HTR4: variants seen among roughly 807,000 people sequenced by gnomAD.
The protein encoded by HTR4 is 5-hydroxytryptamine (serotonin) receptor 4, G protein-coupled.
Under a neutral mutation model 36.8 loss-of-function variants are expected in HTR4, and 16 were observed. That is an observed-to-expected ratio of 0.43 (90% CI 0.29 to 0.66). HTR4 has a LOEUF of 0.66. HTR4 is among the 30% of genes least tolerant of loss of function. The pLI is 0.13. For synonymous variants in HTR4, 189 were observed against 185.1 expected (o/e 1.02, Z -0.17); for missense variants, 438 against 490.9 (o/e 0.89, Z 1.02).
At chr5:148,506,566 T>G (rs545511860) in intron 6 of HTR4, among the ~76,000 whole-genome samples, 1 of 152,162 alleles carries the variant, frequency 6.6e-6, no homozygotes, top group South Asian at 2.1e-4. Flanking sequence ...CAAAAGAAAC[T>G]ACCATCAGAG....
chr5:148,553,618 G>C (rs1759801437), intron 2 of HTR4, among the ~76,000 whole-genome samples: 2 of 152,180 alleles, frequency 1.3e-5, no homozygotes, highest in African/African-American at 4.8e-5. Context: ...GTGTTGTTTT[G>C]TGTTCCCTGG....
At chr5:148,457,832 T>TAC in intron 5 of HTR4, among the ~76,000 whole-genome samples, 1 of 131,762 alleles carries the variant, frequency 7.6e-6, no homozygotes, top group Non-Finnish European at 1.6e-5. Flanking sequence ...TTAAAATATA[T>TAC]ATTTTGTTAT....
chr5:148,472,505 ATTG>A (rs1755594695), downstream of HTR4, among the ~76,000 whole-genome samples: 1 of 151,838 alleles, frequency 6.6e-6, no homozygotes, highest in African/African-American at 2.4e-5. Context: ...TGGTGTTGGT[ATTG>A]TTGTTTAGTT....
At chr5:148,563,684 C>A (rs1266228584) in intron 2 of HTR4, among the ~76,000 whole-genome samples, 1 of 152,132 alleles carries the variant, frequency 6.6e-6, no homozygotes, top group Non-Finnish European at 1.5e-5. Flanking sequence ...CATGTACAGA[C>A]TTTTTCTTGT....
chr5:148,549,915 A>G (rs1759597146), intron 3 of HTR4, among the ~76,000 whole-genome samples: 1 of 152,218 alleles, frequency 6.6e-6, no homozygotes, highest in Non-Finnish European at 1.5e-5. Context: ...TTGACAAAGA[A>G]AAAAATGACA....
rs1474359568 is a variant in HTR4, at chr5:148,611,649, A to C, written c.26+25340T>G. Among the ~76,000 whole-genome samples, 288 of 149,938 alleles carry C rather than the reference A, an allele frequency of 1.9e-3. 5 individuals carry two copies. The highest frequency in any genetic ancestry group is 6.4e-3 in the African/African-American group (263 of 40,782). ...GAGCAAAATCACCAGCTAACATCATAATGACAGGATCAAATTCACACATAA... is the reference window on the plus strand; with the variant it reads ...GAGCAAAATCACCAGCTAACATCATCATGACAGGATCAAATTCACACATAA... On this transcript the variant is annotated intron_variant, in intron 2 of 6. Coordinates refer to ENST00000377888, the MANE Select transcript of HTR4 (RefSeq NM_000870.7).
At chr5:148,462,912 T>G (rs950423620) in intron 5 of HTR4, among the ~76,000 whole-genome samples, 76 of 152,002 alleles carry the variant, frequency 5.0e-4, no homozygotes, top group African/African-American at 1.6e-3. Context: ...AAAAATCACA[T>G]GATTATATTA....
Position 148,508,880 on chromosome 5 carries a change from A to C in HTR4, c.1076+576T>G, listed in dbSNP as rs1757352929. ...CTATATGAATATATTATCTCTACTC[A>C]TCAGAAAACACACATGAGATGAGAA... On this transcript the variant is annotated intron_variant, in intron 6 of 6. Coordinates refer to ENST00000377888, the MANE Select transcript of HTR4 (RefSeq NM_000870.7). 3.3e-5 allele frequency among the ~76,000 whole-genome samples: 5 copies of C among 152,048 alleles called. No homozygotes were observed. In the South Asian group the frequency reaches 6.2e-4, roughly 19 times the overall value.
At position 148,622,953 on chromosome 5, in the gene HTR4, A is replaced by T. The variant is rs865927614; in HGVS notation, c.26+14036T>A. Among the ~76,000 whole-genome samples the T allele has an allele frequency of 2.0e-5, 3 of 152,350 alleles. No homozygotes were observed. In the South Asian group the frequency reaches 6.2e-4, roughly 32 times the overall value. On this transcript the variant is annotated intron_variant, in intron 2 of 6. Transcript: ENST00000377888. The stretch of plus-strand genomic sequence containing the variant: ...AACCTATTTGTAAAGCAAAATGGAA[A>T]TGTATGTCCAATGAACTAAGTGAGG...
intron 2 of HTR4, among the ~76,000 whole-genome samples, chr5:148,606,872 C>T (rs1252319815): frequency 6.6e-6 from 1 of 152,132 alleles, no homozygotes; most frequent in Non-Finnish European, 1.5e-5. Context: ...AAGTTGTCTG[C>T]AACATTTAAA....
At chr5:148,556,152 T>C (rs1267729647) in intron 2 of HTR4, among the ~76,000 whole-genome samples, 11 of 152,204 alleles carry the variant, frequency 7.2e-5, no homozygotes, top group African/African-American at 2.7e-4. Flanking sequence ...GCCTCCCAAG[T>C]AGCTGGGATT....
At chr5:148,606,947 G>A (rs1419367116) in intron 2 of HTR4, among the ~76,000 whole-genome samples, 1 of 152,186 alleles carries the variant, frequency 6.6e-6, no homozygotes, top group Non-Finnish European at 1.5e-5. Context: ...GGTTTAATTG[G>A]TAATTGTTTT....
At chr5:148,530,823 G>T (rs1178705221) in intron 4 of HTR4, among the ~76,000 whole-genome samples, 1 of 152,186 alleles carries the variant, frequency 6.6e-6, no homozygotes, top group African/African-American at 2.4e-5. Flanking sequence ...CCACAGCAGT[G>T]GAGCTTCCCA....
Position 148,573,443 on chromosome 5 carries a change from T to A in HTR4, c.27-23181A>T, listed in dbSNP as rs1422459621. 2.0e-5 allele frequency among the ~76,000 whole-genome samples: 3 copies of A among 152,100 alleles called. No individual in the cohort carries two copies. In the East Asian group the frequency reaches 5.8e-4, roughly 29 times the overall value. ...TCTGTGATCCAGAAAGATGGAGTGG[T>A]CACCATCTCAAATGTTCCCATTTTA... On this transcript the variant is annotated intron_variant, in intron 2 of 6. Transcript: ENST00000377888.
chr5:148,642,607 A>G (rs4289549), intron 1 of HTR4, among the ~76,000 whole-genome samples: 67,378 of 151,868 alleles, frequency 0.44, 15,322 homozygotes, highest in East Asian at 0.58. Context: ...ACACAAGCAA[A>G]CAACCCACAA....
At chr5:148,611,994 T>A (rs1752453506) in intron 2 of HTR4, among the ~76,000 whole-genome samples, 1 of 152,132 alleles carries the variant, frequency 6.6e-6, no homozygotes, top group East Asian at 1.9e-4. Flanking sequence ...TAAATATATA[T>A]GCACCCAATA....
intron 2 of HTR4, among the ~76,000 whole-genome samples, chr5:148,632,601 C>A (rs745891018): frequency 6.6e-6 from 1 of 152,136 alleles, no homozygotes; most frequent in Non-Finnish European, 1.5e-5. Flanking sequence ...TCTTGAGAAA[C>A]CTCCAAGTGC....
At chr5:148,479,072 A>G (rs1345276033), downstream of HTR4, among the ~76,000 whole-genome samples, 1 of 152,022 alleles carries the variant, frequency 6.6e-6, no homozygotes, top group African/African-American at 2.4e-5. Flanking sequence ...CTCCAGATAT[A>G]CATTGTCACA....
intron 6 of HTR4, chr5:148,490,794 T>G (rs1201177276): frequency 1.1e-6 from 1 of 925,994 alleles, no homozygotes; most frequent in East Asian, 6.1e-5. Flanking sequence ...GTTTCTTACC[T>G]CTCTCCCTCA....
Sources: allele counts gnomAD v4.1 joint callset (sites outside exome capture counted in the v4.1 genomes callset), GRCh38; gene constraint gnomAD v4.1.1; transcripts MANE v1.5; gene names NCBI Gene and HGNC (gene_info 2026-07-23, HGNC 2026-07-21).